IDE: variants seen among roughly 807,000 people sequenced by gnomAD.
IDE encodes insulin-degrading enzyme.
IDE carries 58 observed loss-of-function variants against 133.2 expected under a neutral mutation model. The observed-to-expected ratio is 0.44, with a 90% CI of 0.35 to 0.54. The LOEUF is 0.54. Ranked by LOEUF, IDE falls within the 20% of genes least tolerant of loss-of-function variation. The pLI is 0.00. For missense variants in IDE, 981 were observed against 1,234.0 expected (o/e 0.79, Z 3.07); for synonymous variants, 396 against 421.3 (o/e 0.94, Z 0.73).
intron 14 of IDE, chr10:92,479,623 G>A: frequency 1.9e-6 from 1 of 520,486 alleles, no homozygotes; most frequent in Non-Finnish European, 3.5e-6. Context: ...GTGTGTGTGT[G>A]TGTGTGCATG....
chr10:92,573,943 G>C lies in IDE; in HGVS notation c.77C>G (p.Pro26Arg). 2.7e-6 allele frequency: 4 copies of C among 1,469,870 alleles called. No homozygotes were observed. Among genetic ancestry groups the C allele is most frequent in the Non-Finnish European group, 3.6e-6 (4 of 1,116,302 alleles). 91.1% of individuals were successfully genotyped at this position (1,469,870 alleles called of 1,614,324 possible). ...TFRSVLGARL[P>R]PPERLCGFQK... is the part of the protein sequence containing the mutation. ...TTACCCACACAGGCGCTCCGGAGGC[G>C]GCAGGCGGGCGCCGAGGACTGAGCG... The change falls in exon 1 of 25, where the codon CCG becomes CGG. Residue 26 changes from proline to arginine, a missense_variant. Physicochemically the swap from Pro to Arg is moderately radical, Grantham distance 103. Coordinates refer to ENST00000265986, the MANE Select transcript of IDE (RefSeq NM_004969.4).
chr10:92,525,755 A>G (rs1849590628), intron 4 of IDE, among the ~76,000 whole-genome samples: 1 of 37,160 alleles, frequency 2.7e-5, no homozygotes, highest in Non-Finnish European at 4.7e-5. Context: ...ACAATCTGAA[A>G]AAAAAAAAAA....
At chr10:92,493,946 C>T (rs979308831) in intron 11 of IDE, among the ~76,000 whole-genome samples, 1 of 152,104 alleles carries the variant, frequency 6.6e-6, no homozygotes, top group Non-Finnish European at 1.5e-5. Context: ...GGGAAGAGCA[C>T]TTGAATTAGG....
intron 4 of IDE, among the ~76,000 whole-genome samples, chr10:92,519,277 C>T (rs898118940): frequency 2.0e-5 from 3 of 152,158 alleles, no homozygotes; most frequent in Non-Finnish European, 2.9e-5. Context: ...TGGAGAACAA[C>T]GTGAATAAGG....
At chr10:92,564,536 A>G (rs1843428140) in intron 1 of IDE, among the ~76,000 whole-genome samples, 1 of 151,710 alleles carries the variant, frequency 6.6e-6, no homozygotes, top group Admixed American at 6.6e-5. Context: ...ATTAGTGGGC[A>G]TGGTGGCACA....
intron 4 of IDE, among the ~76,000 whole-genome samples, chr10:92,524,367 A>T (rs1589472016): frequency 2.9e-5 from 1 of 34,414 alleles, no homozygotes; most frequent in African/African-American, 1.3e-4. Flanking sequence ...TTTATATTAT[A>T]ATATATATTA....
chr10:92,461,153 C>T (rs1018079792), intron 22 of IDE, 38 bp downstream of exon 22: 1 of 1,006,012 alleles, frequency 9.9e-7, no homozygotes, highest in African/African-American at 1.6e-5. Flanking sequence ...ATAATACTTT[C>T]ATATCAGTCA....
rs1014529905 is a variant in IDE at position 92,509,021 on chromosome 10, A to C, written c.898-131T>G. On this transcript the variant is annotated intron_variant, in intron 6 of 24. Coordinates refer to ENST00000265986, the MANE Select transcript of IDE (RefSeq NM_004969.4). ...CAAATCAATTGCCACAGAAAATGATACACTGACCACAAAGAAATAAATGAC... is the reference window on the plus strand; with the variant it reads ...CAAATCAATTGCCACAGAAAATGATCCACTGACCACAAAGAAATAAATGAC... 16 of 660,632 alleles carry C rather than the reference A, an allele frequency of 2.4e-5. No homozygotes were observed. In the South Asian group the frequency reaches 2.9e-4, roughly 12 times the overall value. The allele number at this position is 660,632 out of a possible 1,614,324, so 40.9% of individuals were successfully genotyped here.
intron 5 of IDE, among the ~76,000 whole-genome samples, chr10:92,512,395 C>G (rs1848679933): frequency 6.6e-6 from 1 of 152,114 alleles, no homozygotes; most frequent in Non-Finnish European, 1.5e-5. Context: ...GTGTATGGAT[C>G]AGAGAATTGA....
chr10:92,503,719 C>CT (rs760461540), intron 11 of IDE, among the ~76,000 whole-genome samples: 333 of 138,790 alleles, frequency 2.4e-3, no homozygotes, highest in South Asian at 3.4e-3. Context: ...GTCAAAAAGA[C>CT]TTTTTTTTTT....
rs1006630485 is a variant in IDE at position 92,452,650 on chromosome 10, T to A, written c.*1794A>T. The A allele has an allele frequency of 3.3e-5, 5 of 152,168 alleles. No homozygotes were observed. The highest frequency in any genetic ancestry group is 1.9e-4 in the East Asian group (1 of 5,200). The allele number at this position is 152,168 out of a possible 1,614,324, so 9.4% of individuals were successfully genotyped here. On this transcript the variant is annotated 3_prime_UTR_variant, in exon 25 of 25. Coordinates refer to ENST00000265986, the MANE Select transcript of IDE (RefSeq NM_004969.4). ...AGACACTTAAATTTCACCCATTTTT[T>A]AAAAAAGAGCTAAAAGTTACTCAAT...
At chr10:92,474,772 T>A in intron 17 of IDE, 69 bp downstream of exon 17, 1 of 1,404,410 alleles carries the variant, frequency 7.1e-7, no homozygotes, top group Non-Finnish European at 9.9e-7. Flanking sequence ...ACAGTCAATA[T>A]CAGAATAAAC....
chr10:92,566,192 C>CAAA (rs5787005), intron 1 of IDE, among the ~76,000 whole-genome samples: 5 of 126,984 alleles, frequency 3.9e-5, no homozygotes, highest in Admixed American at 8.0e-5. Context: ...CCTGTCTCTA[C>CAAA]AAAAAAAAAA....
intron 22 of IDE, among the ~76,000 whole-genome samples, chr10:92,458,216 T>C (rs371742679): frequency 2.5e-4 from 38 of 152,316 alleles, no homozygotes; most frequent in African/African-American, 9.1e-4. Context: ...TTATAGGTAT[T>C]CTGTGTAAAA....
chr10:92,489,220 A>C (rs542540654), intron 12 of IDE, among the ~76,000 whole-genome samples: 75 of 152,302 alleles, frequency 4.9e-4, no homozygotes, highest in African/African-American at 1.7e-3. Flanking sequence ...ACACTTAGTA[A>C]GTAATTTCAC....
chr10:92,470,561 T>C (rs1845912739), intron 17 of IDE, among the ~76,000 whole-genome samples: 1 of 152,184 alleles, frequency 6.6e-6, no homozygotes. Context: ...TTTATTTGGA[T>C]TTTTCCCATT....
At chr10:92,502,420 ATACT>A (rs1429534746) in intron 11 of IDE, among the ~76,000 whole-genome samples, 1 of 152,114 alleles carries the variant, frequency 6.6e-6, no homozygotes, top group Non-Finnish European at 1.5e-5. Flanking sequence ...GCTATTATAA[ATACT>A]TCTTTTAATT....
chr10:92,568,464 A>G (rs549928241), intron 1 of IDE, among the ~76,000 whole-genome samples: 5 of 152,252 alleles, frequency 3.3e-5, no homozygotes, highest in Non-Finnish European at 7.3e-5. Context: ...TATACTGCTT[A>G]AGAAGTATTC....
At chr10:92,491,643 T>A (rs1847351076) in intron 11 of IDE, among the ~76,000 whole-genome samples, 1 of 149,606 alleles carries the variant, frequency 6.7e-6, no homozygotes, top group African/African-American at 2.5e-5. Flanking sequence ...GGAGTTTTGC[T>A]CTTGCCACCC....
Sources: gnomAD v4.1 joint callset for allele counts (sites outside exome capture counted in the v4.1 genomes callset) on GRCh38, gnomAD v4.1.1 for gene constraint, MANE v1.5 for transcripts, NCBI Gene and HGNC (gene_info 2026-07-23, HGNC 2026-07-21) for gene names.